SLC8A1: variants seen among roughly 807,000 people sequenced by gnomAD.
SLC8A1 encodes sodium/calcium exchanger 1.
SLC8A1 carries 18 observed loss-of-function variants against 68.3 expected under a neutral mutation model. The observed-to-expected ratio is 0.26, with a 90% CI of 0.18 to 0.39. The LOEUF is 0.39. Among genes scored for constraint, SLC8A1 ranks in the 10% least tolerant of loss-of-function variants. The pLI is 1.00. For synonymous variants in SLC8A1, 475 were observed against 415.5 expected, an observed-to-expected ratio of 1.14 and a Z score of -1.74; for missense variants, 985 against 1,156.7, an observed-to-expected ratio of 0.85 and a Z score of 2.15.
intron 2 of SLC8A1, among the ~76,000 whole-genome samples, chr2:40,423,480 G>C (rs1696050627): frequency 6.6e-6 from 1 of 151,954 alleles, no homozygotes. Context: ...AGTATGTGCA[G>C]ATTAACTGAT....
intron 2 of SLC8A1, among the ~76,000 whole-genome samples, chr2:40,218,606 TAAAGC>T (rs1315778688): frequency 6.6e-6 from 1 of 151,600 alleles, no homozygotes; most frequent in Non-Finnish European, 1.5e-5. Context: ...TTTCTGTATA[TAAAGC>T]AAAGGGAAAA....
chr2:40,199,142 A>C (rs533685399), intron 2 of SLC8A1, among the ~76,000 whole-genome samples: 2 of 152,032 alleles, frequency 1.3e-5, no homozygotes, highest in South Asian at 4.1e-4. Context: ...GAAGCTAAAA[A>C]GATGTCCATG....
At position 40,397,826 on chromosome 2, in the gene SLC8A1, C is replaced by T. The variant is rs982448496; in HGVS notation, c.1808+30647G>A. On this transcript the variant is annotated intron_variant, in intron 2 of 7. Transcript: ENST00000406785. ...TCACCAGCATTTGCACAGACTTCTA[C>T]AACTAGCTACATGACCCAGGGCAAT... Among the ~76,000 whole-genome samples, 4 of 152,180 alleles carry T rather than the reference C, an allele frequency of 2.6e-5. No individual in the cohort carries two copies. The East Asian group carries it at 7.7e-4, about 29-fold the overall frequency.
intron 2 of SLC8A1, among the ~76,000 whole-genome samples, chr2:40,355,750 G>T (rs1479832730): frequency 6.6e-6 from 1 of 152,122 alleles, no homozygotes; most frequent in East Asian, 1.9e-4. Context: ...TCGAATGTCA[G>T]TATAAACTCA....
At chr2:40,452,509 C>T (rs1702686032), upstream of SLC8A1, among the ~76,000 whole-genome samples, 1 of 152,162 alleles carries the variant, frequency 6.6e-6, no homozygotes, top group South Asian at 2.1e-4. Flanking sequence ...CTTTTGAACC[C>T]TCTTCTTCTC....
At chr2:40,323,082 G>A (rs1249481737) in intron 2 of SLC8A1, among the ~76,000 whole-genome samples, 1 of 152,114 alleles carries the variant, frequency 6.6e-6, no homozygotes, top group Non-Finnish European at 1.5e-5. Context: ...CTGACAGAAG[G>A]TAGGAGCATT....
chr2:40,428,409 A>AT, intron 2 of SLC8A1, 64 bp downstream of exon 2: 1 of 1,429,436 alleles, frequency 7.0e-7, no homozygotes, highest in Non-Finnish European at 9.1e-7. Flanking sequence ...ACTCACATTC[A>AT]TAAACACACT....
intron 1 of SLC8A1, among the ~76,000 whole-genome samples, chr2:40,488,202 A>G (rs771290115): frequency 1.3e-4 from 19 of 150,884 alleles, no homozygotes; most frequent in Admixed American, 4.0e-4. Context: ...CTATAACCAC[A>G]AGGGGGACAC....
chr2:40,289,438 C>T (rs902721391), intron 2 of SLC8A1, among the ~76,000 whole-genome samples: 11 of 152,100 alleles, frequency 7.2e-5, no homozygotes, highest in South Asian at 2.1e-4. Flanking sequence ...TGCCAGATTG[C>T]TTTGAATCCC....
chr2:40,238,714 T>C (rs1483989653), intron 2 of SLC8A1, among the ~76,000 whole-genome samples: 1 of 152,230 alleles, frequency 6.6e-6, no homozygotes, highest in African/African-American at 2.4e-5. Flanking sequence ...GTATAGTCTA[T>C]TGTAAAGTTA....
At chr2:40,142,768 T>C (rs1214566432) in intron 6 of SLC8A1, among the ~76,000 whole-genome samples, 2 of 152,200 alleles carry the variant, frequency 1.3e-5, no homozygotes, top group African/African-American at 4.8e-5. Context: ...AAGGTAATGA[T>C]TATCATGGTA....
intron 6 of SLC8A1, among the ~76,000 whole-genome samples, chr2:40,142,027 C>A (rs748341239): frequency 6.6e-6 from 1 of 152,170 alleles, no homozygotes; most frequent in African/African-American, 2.4e-5. Context: ...TTATTCAAAC[C>A]ACCCAGTCTG....
chr2:40,176,185 G>C (rs560448551), intron 3 of SLC8A1, among the ~76,000 whole-genome samples: 12 of 152,148 alleles, frequency 7.9e-5, no homozygotes, highest in African/African-American at 2.4e-4. Context: ...TTTGGGCCCA[G>C]TTTTCTCTCT....
At chr2:40,294,333 C>G (rs533994311) in intron 2 of SLC8A1, among the ~76,000 whole-genome samples, 1 of 152,096 alleles carries the variant, frequency 6.6e-6, no homozygotes, top group East Asian at 1.9e-4. Context: ...CACATAATAA[C>G]TCAATTTGTC....
intron 1 of SLC8A1, among the ~76,000 whole-genome samples, 141 bp downstream of exon 1, chr2:40,451,737 TCACACACACACACACACACACACACA>T (rs756970142): frequency 1.5e-5 from 2 of 133,664 alleles, no homozygotes; most frequent in Middle Eastern, 3.5e-3. Context: ...ACACACCACA[TCACACACACACACACACACACACACA>T]CACACACACA....
intron 2 of SLC8A1, among the ~76,000 whole-genome samples, chr2:40,281,698 A>T (rs1007507785): frequency 6.6e-6 from 1 of 152,224 alleles, no homozygotes; most frequent in Non-Finnish European, 1.5e-5. Flanking sequence ...GAATGTCTGG[A>T]AAGAGTGAAG....
intron 2 of SLC8A1, among the ~76,000 whole-genome samples, chr2:40,320,989 T>C (rs1396142470): frequency 1.3e-5 from 2 of 151,982 alleles, no homozygotes; most frequent in Admixed American, 1.3e-4. Flanking sequence ...GGGGATTGTG[T>C]GTGAGAAGGA....
intron 7 of SLC8A1, among the ~76,000 whole-genome samples, chr2:40,138,137 T>C (rs1458682956): frequency 1.3e-5 from 2 of 152,160 alleles, no homozygotes; most frequent in African/African-American, 4.8e-5. Context: ...AGTATGATTA[T>C]CCCTATTTTT....
chr2:40,361,886 CCTT>C, intron 2 of SLC8A1, among the ~76,000 whole-genome samples: 1 of 80,940 alleles, frequency 1.2e-5, no homozygotes, highest in Admixed American at 1.3e-4. Context: ...TCTTTTCTTT[CCTT>C]TTTTTTTTTT....
Sources: gnomAD v4.1 joint callset for allele counts (sites outside exome capture counted in the v4.1 genomes callset) on GRCh38, gnomAD v4.1.1 for gene constraint, MANE v1.5 for transcripts, NCBI Gene and HGNC (gene_info 2026-07-23, HGNC 2026-07-21) for gene names.